The following IGF2BP3 variants were observed in gnomAD, a reference collection of about 807,000 sequenced individuals.
IGF2BP3 encodes insulin like growth factor 2 mRNA binding protein 3.
IGF2BP3 carries 9 observed loss-of-function variants against 73.8 expected under a neutral mutation model. The ratio of observed to expected loss-of-function variants is 0.12; its 90% CI spans 0.07 to 0.21. IGF2BP3 has a LOEUF of 0.21. Ranked by LOEUF, IGF2BP3 falls within the 10% of genes least tolerant of loss-of-function variation. The probability of loss-of-function intolerance (pLI) is 1.00; values close to 1 mark genes in which losing one functional copy is unlikely to be tolerated. For synonymous variants in IGF2BP3, 258 were observed against 256.7 expected (o/e 1.01, Z -0.05); for missense variants, 542 against 714.0 (o/e 0.76, Z 2.75).
chr7:23,344,056 C>T (rs1784775065), intron 8 of IGF2BP3, among the ~76,000 whole-genome samples: 1 of 152,110 alleles, frequency 6.6e-6, no homozygotes, highest in African/African-American at 2.4e-5. Flanking sequence ...AAAATATTTG[C>T]CCTCCCATTT....
Position 23,403,151 on chromosome 7 carries a change from A to G in IGF2BP3, c.285+15625T>C, listed in dbSNP as rs79752984. Among the ~76,000 whole-genome samples the G allele has an allele frequency of 2.7e-3, 407 of 152,336 alleles. 5 individuals carry two copies. Among genetic ancestry groups the G allele is most frequent in the African/African-American group, 9.3e-3 (387 of 41,576 alleles). ...AGTTTTCATATATACTGCATCTTCC[A>G]AAACTGTATCATGTAAATCAAGATA... On this transcript the variant is annotated intron_variant, in intron 3 of 14. Coordinates refer to ENST00000258729, the MANE Select transcript of IGF2BP3 (RefSeq NM_006547.3).
intron 10 of IGF2BP3, among the ~76,000 whole-genome samples, chr7:23,337,639 G>C (rs1190150643): frequency 6.6e-6 from 1 of 152,252 alleles, no homozygotes; most frequent in Non-Finnish European, 1.5e-5. Context: ...GAGGCAAACA[G>C]AAGTATGAAA....
chr7:23,382,619 C>T (rs1055659459), intron 3 of IGF2BP3, among the ~76,000 whole-genome samples: 1 of 152,068 alleles, frequency 6.6e-6, no homozygotes, highest in African/African-American at 2.4e-5. Flanking sequence ...TATCCTCCTA[C>T]CATTAATTTT....
intron 2 of IGF2BP3, among the ~76,000 whole-genome samples, chr7:23,424,049 C>G (rs1186884956): frequency 6.6e-6 from 1 of 152,010 alleles, no homozygotes; most frequent in South Asian, 2.1e-4. Context: ...ACCCGGGAGA[C>G]GGAGGTTGCA....
chr7:23,442,688 G>T (rs557262574), intron 2 of IGF2BP3, among the ~76,000 whole-genome samples: 4 of 152,056 alleles, frequency 2.6e-5, no homozygotes, highest in Non-Finnish European at 4.4e-5. Flanking sequence ...TTGAGCTACC[G>T]AGCCCAGTCT....
chr7:23,374,593 C>T (rs962238009), intron 3 of IGF2BP3, among the ~76,000 whole-genome samples: 12 of 150,738 alleles, frequency 8.0e-5, no homozygotes, highest in African/African-American at 3.0e-4. Context: ...GGTAGGACTG[C>T]TTGAACCCAG....
At chr7:23,436,885 G>T (rs1363335705) in intron 2 of IGF2BP3, among the ~76,000 whole-genome samples, 1 of 152,188 alleles carries the variant, frequency 6.6e-6, no homozygotes, top group African/African-American at 2.4e-5. Context: ...GGAGGCCAAG[G>T]CGGGTGGATT....
chr7:23,323,622 T>C (rs1784217010), intron 10 of IGF2BP3, among the ~76,000 whole-genome samples: 1 of 151,610 alleles, frequency 6.6e-6, no homozygotes, highest in African/African-American at 2.4e-5. Context: ...TATACATTTT[T>C]TTCAGCACCA....
chr7:23,371,358 G>T (rs1321708846), intron 3 of IGF2BP3, among the ~76,000 whole-genome samples: 1 of 152,172 alleles, frequency 6.6e-6, no homozygotes, highest in Non-Finnish European at 1.5e-5. Context: ...TATACAAACA[G>T]GAACTACTTA....
chr7:23,370,685 T>TG (rs892015687), intron 3 of IGF2BP3, among the ~76,000 whole-genome samples: 1 of 149,284 alleles, frequency 6.7e-6, no homozygotes, highest in African/African-American at 2.4e-5. Context: ...GTTTTTTTGT[T>TG]TTTTTTTTTT....
chr7:23,459,921 G>A (rs1324124516), intron 2 of IGF2BP3, among the ~76,000 whole-genome samples: 1 of 151,736 alleles, frequency 6.6e-6, no homozygotes, highest in Non-Finnish European at 1.5e-5. Context: ...TAATAAGAAA[G>A]CAGAATGAAT....
intron 2 of IGF2BP3, among the ~76,000 whole-genome samples, chr7:23,465,528 C>CCT (rs1554338710): frequency 2.0e-5 from 3 of 151,994 alleles, no homozygotes; most frequent in Non-Finnish European, 2.9e-5. Flanking sequence ...AAGGGTCCCC[C>CCT]CCCAAGCTCC....
chr7:23,319,277 C>T (rs1381381364), intron 10 of IGF2BP3, 23 bp from the exon 11 acceptor site: 1 of 1,481,028 alleles, frequency 6.8e-7, no homozygotes, highest in Non-Finnish European at 9.4e-7. Context: ...AAAGCCAGGA[C>T]ACCCATGTTT....
At chr7:23,444,714 G>C (rs542604002) in intron 2 of IGF2BP3, among the ~76,000 whole-genome samples, 2 of 142,568 alleles carry the variant, frequency 1.4e-5, no homozygotes, top group South Asian at 4.4e-4. Flanking sequence ...CTGCACTCCA[G>C]CCTGGGTGAC....
intron 3 of IGF2BP3, among the ~76,000 whole-genome samples, chr7:23,368,326 G>GAAAAGAAAGAAAGAAA (rs1562704870): frequency 1.1e-5 from 1 of 89,658 alleles, no homozygotes. Context: ...GAGAGAGAAA[G>GAAAAGAAAGAAAGAAA]AAAAGAAAGA....
intron 3 of IGF2BP3, among the ~76,000 whole-genome samples, chr7:23,372,761 T>G (rs1785596869): frequency 6.6e-6 from 1 of 152,184 alleles, no homozygotes; most frequent in Non-Finnish European, 1.5e-5. Flanking sequence ...CAGCCTTCGT[T>G]CAGTCATGAA....
intron 3 of IGF2BP3, among the ~76,000 whole-genome samples, chr7:23,378,473 A>G (rs544500818): frequency 7.0e-6 from 1 of 143,230 alleles, no homozygotes; most frequent in Non-Finnish European, 1.5e-5. Flanking sequence ...GCTCACTGTA[A>G]CCTCTGCCTC....
At chr7:23,317,504 G>T in intron 12 of IGF2BP3, 135 bp downstream of exon 12, 1 of 673,130 alleles carries the variant, frequency 1.5e-6, no homozygotes, top group Non-Finnish European at 2.7e-6. Flanking sequence ...TTTTGAGTGT[G>T]ATTCTACTCA....
intron 10 of IGF2BP3, among the ~76,000 whole-genome samples, chr7:23,338,670 C>G (rs1784634139): frequency 6.6e-6 from 1 of 152,094 alleles, no homozygotes; most frequent in African/African-American, 2.4e-5. Context: ...GGAGTCATCT[C>G]GGGAGCTTTC....
Sources: gnomAD v4.1 joint callset for allele counts (sites outside exome capture counted in the v4.1 genomes callset) on GRCh38, gnomAD v4.1.1 for gene constraint, MANE v1.5 for transcripts, NCBI Gene and HGNC (gene_info 2026-07-23, HGNC 2026-07-21) for gene names.